Variants in DNAH12 observed in about 807,000 individuals in gnomAD.
The protein encoded by DNAH12 is axonemal beta dynein heavy chain 12.
DNAH12 carries 285 observed loss-of-function variants against 371.5 expected under a neutral mutation model. The observed-to-expected ratio is 0.77, with a 90% confidence interval of 0.70 to 0.85. The LOEUF (loss-of-function observed/expected upper bound fraction) is 0.85. Ranked by LOEUF, DNAH12 falls within the 40% of genes least tolerant of loss-of-function variation. DNAH12 has a pLI of 0.00. For synonymous variants in DNAH12, 1,200 were observed against 1,213.0 expected, an observed-to-expected ratio of 0.99 and a Z score of 0.22; for missense variants, 3,611 against 3,689.4, an observed-to-expected ratio of 0.98 and a Z score of 0.55.
intron 69 of DNAH12, among the ~76,000 whole-genome samples, chr3:57,306,659 GC>G (rs1559539372): frequency 2.0e-5 from 3 of 151,894 alleles, no homozygotes; most frequent in Admixed American, 6.6e-5. Context: ...CCCTTACCCC[GC>G]ATAATGCCAA....
chr3:57,307,780 T>C (rs962154098), intron 69 of DNAH12, among the ~76,000 whole-genome samples: 18 of 152,138 alleles, frequency 1.2e-4, no homozygotes, highest in African/African-American at 4.3e-4. Context: ...TAACTGTATC[T>C]CTCTGATCCA....
rs754131912 is a variant in DNAH12, at chr3:57,483,374, A to G, written c.1650+2T>C. 68 of 1,542,248 alleles carry G rather than the reference A, an allele frequency of 4.4e-5. No individual in the cohort carries two copies. The highest frequency in any genetic ancestry group is 5.8e-5 in the Non-Finnish European group (66 of 1,144,992). On this transcript the variant is annotated splice_donor_variant, in intron 13 of 73. Coordinates refer to ENST00000495027, the MANE Select transcript of DNAH12 (RefSeq NM_001366028.2). LOFTEE classifies it high-confidence loss of function. ...CAAAATATGCAAATTAAAATTCCTT[A>G]CCTGGATCCTTAAAATCAACTCTTC...
intron 2 of DNAH12, among the ~76,000 whole-genome samples, chr3:57,540,934 AG>A (rs1182461967): frequency 0.011 from 1,677 of 151,884 alleles, 15 homozygotes; most frequent in Non-Finnish European, 0.02. Context: ...TGTCTCAAAA[AG>A]AAAAAAAAAA....
chr3:57,348,477 G>A (rs571759336), intron 60 of DNAH12, among the ~76,000 whole-genome samples: 19 of 152,246 alleles, frequency 1.2e-4, no homozygotes, highest in African/African-American at 4.3e-4. Flanking sequence ...AGTGAAGCCT[G>A]ATGTTACCTA....
rs911165459 is a variant in DNAH12 at position 57,371,235 on chromosome 3, A to G, written c.8760-2975T>C. Among the ~76,000 whole-genome samples, 267 of 152,254 alleles carry G rather than the reference A, an allele frequency of 1.8e-3. 3 individuals carry two copies. The highest frequency in any genetic ancestry group is 1.2e-3 in the Non-Finnish European group (79 of 68,024). ...CTACTGCCACTCCAGTGGTTCCCCA[A>G]CTGAAGTTTAGTTTTTTTTATTCTT... On this transcript the variant is annotated intron_variant, in intron 55 of 73. Coordinates refer to ENST00000495027, the MANE Select transcript of DNAH12 (RefSeq NM_001366028.2).
chr3:57,364,683 C>T (rs2063008391), intron 57 of DNAH12, among the ~76,000 whole-genome samples: 1 of 152,094 alleles, frequency 6.6e-6, no homozygotes, highest in Admixed American at 6.6e-5. Context: ...TACAGACAAC[C>T]TACAGAATGG....
intron 62 of DNAH12, among the ~76,000 whole-genome samples, chr3:57,327,998 A>G (rs1242878372): frequency 1.3e-5 from 2 of 151,826 alleles, no homozygotes; most frequent in Non-Finnish European, 2.9e-5. Flanking sequence ...ACACTCTCCC[A>G]AGACTAAACC....
upstream of DNAH12, among the ~76,000 whole-genome samples, chr3:57,547,304 T>TC (rs1215096347): frequency 1.3e-5 from 2 of 151,652 alleles, no homozygotes; most frequent in African/African-American, 4.8e-5. Flanking sequence ...ACAATGTACG[T>TC]CCTTTTTTTT....
intron 69 of DNAH12, among the ~76,000 whole-genome samples, chr3:57,307,527 GGCC>G (rs1242523059): frequency 2.6e-5 from 4 of 152,186 alleles, no homozygotes; most frequent in African/African-American, 7.2e-5. Flanking sequence ...TGCGTGCAGT[GGCC>G]GCCACCACCC....
Position 57,370,495 on chromosome 3 carries a change from C to T in DNAH12, c.8760-2235G>A, listed in dbSNP as rs889160094. ...AGCTTGAACCCAAATGTCCTGACTC[C>T]AGAGTCTGAACTGCTCTCAACCATT... On this transcript the variant is annotated intron_variant, in intron 55 of 73. Transcript: ENST00000495027. Among the ~76,000 whole-genome samples, 14 of 152,272 alleles carry T rather than the reference C, an allele frequency of 9.2e-5. No homozygotes were observed. In the South Asian group the frequency reaches 2.7e-3, roughly 29 times the overall value.
rs1459731436 is a variant in DNAH12 at position 57,384,812 on chromosome 3, C to T, written c.7860+17G>A. The T allele has an allele frequency of 6.6e-6, 1 of 152,158 alleles. No homozygotes were observed. The highest frequency in any genetic ancestry group is 1.5e-5 in the Non-Finnish European group (1 of 68,034). The allele number at this position is 152,158 out of a possible 1,614,324, so 9.4% of individuals were successfully genotyped here. A position where few individuals can be genotyped will look rare whatever the true frequency, so the allele number is the denominator to read the frequency against. ...CCTTGGTTGATGAAACACAAAGTAG[C>T]TAATTCAAACACTTGCCTTAAGTGT... On this transcript the variant is annotated intron_variant, in intron 49 of 73. Coordinates refer to ENST00000495027, the MANE Select transcript of DNAH12 (RefSeq NM_001366028.2).
chr3:57,405,179 T>C, intron 41 of DNAH12, 32 bp from the exon 42 acceptor site: 1 of 1,458,816 alleles, frequency 6.9e-7, no homozygotes, highest in Non-Finnish European at 9.0e-7. Flanking sequence ...ATTTTAAAAC[T>C]TAAAACATTT....
intron 11 of DNAH12, among the ~76,000 whole-genome samples, chr3:57,494,727 G>A (rs1365577267): frequency 1.3e-5 from 2 of 152,092 alleles, no homozygotes. Flanking sequence ...GAAAATTCAG[G>A]GCCAAGTGTG....
Position 57,405,827 on chromosome 3 carries a change from G to C in DNAH12, c.6402C>G (p.Asn2134Lys). The C allele has an allele frequency of 1.3e-6, 2 of 1,551,704 alleles. No individual in the cohort carries two copies. Among genetic ancestry groups the C allele is most frequent in the Non-Finnish European group, 1.7e-6 (2 of 1,147,000 alleles). Residue 2134 changes from asparagine (N) to lysine (K), a missense_variant, in exon 41 of 74, where the codon AAC becomes AAG. Physicochemically the swap from Asn to Lys is moderately conservative, Grantham distance 94 (BLOSUM62 0). Around this residue, in one of 3 missense-constraint regions of DNAH12, gnomAD observed 2,266 missense variants for 2,236.9 expected, o/e 1.01. Coordinates refer to ENST00000495027, the MANE Select transcript of DNAH12 (RefSeq NM_001366028.2). ...CLLIERDAVA[N>K]KHTMIRLFVH... ...CAAACAGACGGATCATAGTGTGTTT[G>C]TTCGCCACGGCGTCTCTTTCAATGA... is the stretch of plus-strand genomic sequence containing the variant.
chr3:57,316,153 T>C (rs1461778319), intron 65 of DNAH12, among the ~76,000 whole-genome samples: 1 of 151,986 alleles, frequency 6.6e-6, no homozygotes, highest in Non-Finnish European at 1.5e-5. Flanking sequence ...TTTGCTTGTT[T>C]TTGACTAAGC....
intron 52 of DNAH12, among the ~76,000 whole-genome samples, chr3:57,377,988 A>C (rs2063316105): frequency 6.6e-6 from 1 of 152,170 alleles, no homozygotes. Context: ...GAGGGACAAG[A>C]GAGAGAGAGC....
chr3:57,305,139 T>C (rs966331402), intron 69 of DNAH12, among the ~76,000 whole-genome samples: 2 of 152,186 alleles, frequency 1.3e-5, no homozygotes, highest in Non-Finnish European at 2.9e-5. Context: ...ATAATTCTTA[T>C]TGTAAAATAG....
chr3:57,380,193 T>C (rs1697697839), intron 51 of DNAH12, 85 bp downstream of exon 51: 1 of 152,174 alleles, frequency 6.6e-6, no homozygotes, highest in Non-Finnish European at 1.5e-5. Flanking sequence ...TATTTCTGTA[T>C]GTGTTGTAAA....
chr3:57,390,818 C>T (rs2063607506), intron 45 of DNAH12, among the ~76,000 whole-genome samples: 1 of 152,032 alleles, frequency 6.6e-6, no homozygotes, highest in African/African-American at 2.4e-5. Context: ...TCACCTACCA[C>T]ACAGCTTCCA....
Sources: gnomAD v4.1 joint callset for allele counts (sites outside exome capture counted in the v4.1 genomes callset) on GRCh38, gnomAD v4.1.1 for gene constraint, gnomAD v4.1.1 regional missense constraint, MANE v1.5 for transcripts, NCBI Gene and HGNC (gene_info 2026-07-23, HGNC 2026-07-21) for gene names.